The following LRP1B variants were observed in gnomAD, a reference collection of about 807,000 sequenced individuals.
LRP1B encodes the protein low-density lipoprotein receptor-related protein 1B.
Under a neutral mutation model 556.6 loss-of-function variants are expected in LRP1B, and 217 were observed. The ratio of observed to expected loss-of-function variants is 0.39; its 90% CI spans 0.35 to 0.44. LRP1B has a LOEUF of 0.44. Ranked by LOEUF, LRP1B falls within the 20% of genes least tolerant of loss-of-function variation. The pLI is 1.00. For synonymous variants in LRP1B, 2,047 were observed against 1,865.8 expected (o/e 1.10, Z -2.50); for missense variants, 5,053 against 5,620.8 (o/e 0.90, Z 3.23).
At chr2:140,969,931 C>T (rs1411398437) in intron 18 of LRP1B, among the ~76,000 whole-genome samples, 2 of 152,148 alleles carry the variant, frequency 1.3e-5, no homozygotes, top group Non-Finnish European at 2.9e-5. Flanking sequence ...TAAAACCCGA[C>T]CTTTCTCTCT....
chr2:140,233,234 T>C lies in LRP1B; in HGVS notation c.13752A>G (p.Glu4584=). 6.2e-7 allele frequency: 1 copy of C among 1,606,074 alleles called. No homozygotes were observed. Among genetic ancestry groups the C allele is most frequent in the Non-Finnish European group, 8.5e-7 (1 of 1,174,682 alleles). The change falls in exon 91 of 91, where the codon GAA becomes GAG. Residue 4584 remains glutamate (E), a synonymous_variant. Coordinates refer to ENST00000389484, the MANE Select transcript of LRP1B (RefSeq NM_018557.3). ...NSLGSVDERK[E]LLPKKIEIGI... is the part of the protein sequence containing the mutation. ...CAATTTCTATTTTCTTTGGAAGCAG[T>C]TCTTTCCTTTCATCAACACTTCCTA...
intron 83 of LRP1B, among the ~76,000 whole-genome samples, chr2:140,310,229 C>T (rs1684239721): frequency 6.6e-6 from 1 of 151,618 alleles, no homozygotes; most frequent in African/African-American, 2.4e-5. Context: ...GTTATAATTT[C>T]CTATATCACA....
At chr2:140,596,279 A>G (rs1329800066) in intron 43 of LRP1B, among the ~76,000 whole-genome samples, 17 of 152,190 alleles carry the variant, frequency 1.1e-4, no homozygotes, top group African/African-American at 4.8e-5. Context: ...TCTTGACATA[A>G]TGGCGAAAAC....
At chr2:141,001,934 A>G (rs1401590169) in intron 15 of LRP1B, among the ~76,000 whole-genome samples, 4 of 152,142 alleles carry the variant, frequency 2.6e-5, no homozygotes, top group Non-Finnish European at 5.9e-5. Flanking sequence ...TAGCAAATGT[A>G]CACATAAAGC....
At chr2:140,995,004 T>C (rs956486579) in intron 15 of LRP1B, among the ~76,000 whole-genome samples, 4 of 151,978 alleles carry the variant, frequency 2.6e-5, no homozygotes, top group Non-Finnish European at 4.4e-5. Flanking sequence ...AAAACACTAC[T>C]GAGAAGTGAA....
intron 60 of LRP1B, among the ~76,000 whole-genome samples, chr2:140,460,253 A>C (rs1308501615): frequency 6.6e-6 from 1 of 152,116 alleles, no homozygotes; most frequent in Non-Finnish European, 1.5e-5. Flanking sequence ...TGCCAGGGCC[A>C]TGTTCTTGAA....
chr2:141,890,266 G>C (rs1699242313), intron 1 of LRP1B, among the ~76,000 whole-genome samples: 1 of 147,862 alleles, frequency 6.8e-6, no homozygotes, highest in Non-Finnish European at 1.5e-5. Context: ...TGTCTACGTT[G>C]CTTATGCTGT....
chr2:141,699,720 C>T (rs993231768), intron 2 of LRP1B, among the ~76,000 whole-genome samples: 1 of 150,880 alleles, frequency 6.6e-6, no homozygotes. Flanking sequence ...ATAGTATGTA[C>T]ACAATAGTGT....
intron 2 of LRP1B, among the ~76,000 whole-genome samples, chr2:141,544,600 A>G (rs1685486909): frequency 6.6e-6 from 1 of 151,488 alleles, no homozygotes; most frequent in Admixed American, 6.6e-5. Flanking sequence ...CCGCTCTTAT[A>G]AACACAGACT....
chr2:141,065,119 T>C (rs1328776769), intron 7 of LRP1B, among the ~76,000 whole-genome samples: 1 of 151,914 alleles, frequency 6.6e-6, no homozygotes, highest in Non-Finnish European at 1.5e-5. Context: ...CACAAAATTT[T>C]TAATTTTTAA....
chr2:141,078,545 G>A (rs183723521), intron 7 of LRP1B, among the ~76,000 whole-genome samples: 189 of 152,270 alleles, frequency 1.2e-3, no homozygotes, highest in African/African-American at 4.3e-3. Flanking sequence ...GGCTTGAACA[G>A]ACATATAAAG....
chr2:140,992,354 T>G (rs970592368), intron 16 of LRP1B, among the ~76,000 whole-genome samples: 15 of 152,122 alleles, frequency 9.9e-5, no homozygotes, highest in Admixed American at 2.6e-4. Flanking sequence ...ATGCAATGCT[T>G]CTTCTACCCA....
At chr2:140,726,565 A>G (rs1412517394) in intron 35 of LRP1B, among the ~76,000 whole-genome samples, 1 of 152,172 alleles carries the variant, frequency 6.6e-6, no homozygotes, top group Non-Finnish European at 1.5e-5. Flanking sequence ...TTCCAAAAAT[A>G]TATAAAAGAA....
intron 11 of LRP1B, among the ~76,000 whole-genome samples, chr2:141,046,084 A>G (rs1421740883): frequency 2.0e-5 from 3 of 152,160 alleles, no homozygotes; most frequent in Admixed American, 6.6e-5. Flanking sequence ...AAAAAATCAA[A>G]TAATGAATAA....
At chr2:141,307,763 T>A (rs946863019) in intron 3 of LRP1B, among the ~76,000 whole-genome samples, 1 of 152,150 alleles carries the variant, frequency 6.6e-6, no homozygotes, top group Non-Finnish European at 1.5e-5. Context: ...ATGGTGGCAC[T>A]GGTGTTATTA....
At chr2:140,268,615 A>G (rs1201197647) in intron 86 of LRP1B, among the ~76,000 whole-genome samples, 1 of 152,034 alleles carries the variant, frequency 6.6e-6, no homozygotes, top group East Asian at 1.9e-4. Flanking sequence ...GCTCAAATGC[A>G]CAATGCAAAA....
chr2:140,522,451 C>T (rs1364398210), intron 49 of LRP1B, among the ~76,000 whole-genome samples: 7 of 151,730 alleles, frequency 4.6e-5, no homozygotes, highest in African/African-American at 7.3e-5. Context: ...GTTTATAGTA[C>T]TAAATGTCCA....
intron 2 of LRP1B, among the ~76,000 whole-genome samples, chr2:141,637,365 A>C (rs1300010589): frequency 6.6e-6 from 1 of 152,242 alleles, no homozygotes; most frequent in Non-Finnish European, 1.5e-5. Context: ...TATTGCAATT[A>C]AAATTAACTA....
chr2:140,618,145 A>T (rs2105242914), intron 41 of LRP1B, among the ~76,000 whole-genome samples: 1 of 152,116 alleles, frequency 6.6e-6, no homozygotes, highest in South Asian at 2.1e-4. Flanking sequence ...AAGTGTATTG[A>T]TTGCATGCAT....
Sources: allele counts gnomAD v4.1 joint callset (sites outside exome capture counted in the v4.1 genomes callset), GRCh38; gene constraint gnomAD v4.1.1; transcripts MANE v1.5; gene names NCBI Gene and HGNC (gene_info 2026-07-23, HGNC 2026-07-21).